PCDHGA9: variants seen among roughly 807,000 people sequenced by gnomAD.
PCDHGA9 encodes protocadherin gamma-A9.
A neutral mutation model predicts 62.5 loss-of-function variants in PCDHGA9; 37 were observed. That is an observed-to-expected ratio of 0.59 (90% CI 0.46 to 0.78). The LOEUF (loss-of-function observed/expected upper bound fraction) is 0.78. Ranked by LOEUF, PCDHGA9 falls within the 30% of genes least tolerant of loss-of-function variation. The pLI is 0.00. For missense variants in PCDHGA9, 1,138 were observed against 1,166.2 expected (o/e 0.98, Z 0.35); for synonymous variants, 459 against 484.6 (o/e 0.95, Z 0.69).
rs2097461148 is a variant in PCDHGA9 at position 141,432,174 on chromosome 5, T to C, written c.2424+26798T>C. ...AACAATCCCAGAGGAGTTTCCCTCGTCTCTGTGACCGCCCACGACCCCGAC... is the reference window on the plus strand; with the variant it reads ...AACAATCCCAGAGGAGTTTCCCTCGCCTCTGTGACCGCCCACGACCCCGAC... On this transcript the variant is annotated intron_variant, in intron 1 of 3. Transcript: ENST00000573521. The surrounding 1 kb of genome is among the most constrained non-coding windows in gnomAD (Gnocchi z 6.0). 1 of 1,614,088 alleles carries C rather than the reference T, an allele frequency of 6.2e-7. No homozygotes were observed. Among genetic ancestry groups the C allele is most frequent in the Non-Finnish European group, 8.5e-7 (1 of 1,180,022 alleles).
rs763187246 is a variant in PCDHGA9 at position 141,477,168 on chromosome 5, A to G, written c.2425-17639A>G. ...GTGGATGTGAATGACAACGCCCCGGAGATCACAGTCACCTCCGTGTACAGC... is the reference window on the plus strand; with the variant it reads ...GTGGATGTGAATGACAACGCCCCGGGGATCACAGTCACCTCCGTGTACAGC... On this transcript the variant is annotated intron_variant, in intron 1 of 3. Transcript: ENST00000573521. The surrounding 1 kb of genome is among the most constrained non-coding windows in gnomAD (Gnocchi z 4.9). The G allele has an allele frequency of 6.2e-7, 1 of 1,614,210 alleles. No homozygotes were observed. Among genetic ancestry groups the G allele is most frequent in the Non-Finnish European group, 8.5e-7 (1 of 1,180,040 alleles).
At position 141,404,694 on chromosome 5, in the gene PCDHGA9, C is replaced by G. The variant is rs749803871; in HGVS notation, c.1742C>G (p.Ser581Cys). 3.1e-6 allele frequency: 5 copies of G among 1,613,998 alleles called. No individual in the cohort carries two copies. In the Admixed American group the frequency reaches 5.0e-5, roughly 16 times the overall value. The change falls in exon 1 of 4, where the codon TCT becomes TGT. Residue 581 changes from serine to cysteine, a missense_variant. By Grantham distance (112) the Ser-to-Cys change is moderately radical (BLOSUM62 -1). Coordinates refer to ENST00000573521, the MANE Select transcript of PCDHGA9 (RefSeq NM_018921.3). ...GSTGVELAPR[S>C]AEPGYLVTKV... ...ACTGGTGTGGAGCTGGCACCCCGCT[C>G]TGCAGAGCCTGGCTACCTGGTGACC...
At chr5:141,421,823 G>A in intron 1 of PCDHGA9, 1 of 1,613,802 alleles carries the variant, frequency 6.2e-7, no homozygotes. Flanking sequence ...GTACTGGAGG[G>A]AAGCCTGGAC....
rs143168452 is a variant in PCDHGA9 at position 141,504,127 on chromosome 5, C to T, written c.2484-1266C>T. Among the ~76,000 whole-genome samples the T allele has an allele frequency of 1.3e-3, 195 of 152,220 alleles. 2 individuals carry two copies. The highest frequency in any genetic ancestry group is 4.4e-3 in the African/African-American group (181 of 41,520). On this transcript the variant is annotated intron_variant, in intron 2 of 3. Transcript: ENST00000573521. ...CTGTGTGTGTGCCAGGGCTGTTTCC[C>T]GCCAACACTCCCCTGCAAATTGAAA...
chr5:141,495,005 C>A, intron 2 of PCDHGA9, 140 bp downstream of exon 2: 1 of 1,522,810 alleles, frequency 6.6e-7, no homozygotes. Context: ...TCTTGGTGTG[C>A]GGGGGGCTGG....
At chr5:141,427,965 C>G in intron 1 of PCDHGA9, 1 of 1,590,342 alleles carries the variant, frequency 6.3e-7, no homozygotes, top group Non-Finnish European at 8.6e-7. Flanking sequence ...GCCGCGGGTG[C>G]TGTACCCCGC....
In PCDHGA9 at chr5:141,490,540, C is replaced by T; in HGVS notation, c.2425-4267C>T. The T allele has an allele frequency of 6.2e-7, 1 of 1,614,148 alleles. No homozygotes were observed. Among genetic ancestry groups the T allele is most frequent in the Non-Finnish European group, 8.5e-7 (1 of 1,180,024 alleles). ...GGCCAGCGATGCTGGTTCACCTTCC[C>T]TACACAAACATCTCACCATCAGGCT... On this transcript the variant is annotated intron_variant, in intron 1 of 3. Coordinates refer to ENST00000573521, the MANE Select transcript of PCDHGA9 (RefSeq NM_018921.3). This position sits in a 1 kb window ranked among gnomAD's most constrained non-coding sequence, Gnocchi z 5.4.
chr5:141,437,223 C>G (rs555637738), intron 1 of PCDHGA9, among the ~76,000 whole-genome samples: 1 of 152,198 alleles, frequency 6.6e-6, no homozygotes, highest in Admixed American at 6.5e-5. Context: ...TGATTCCAGT[C>G]ATAAAATTAT....
intron 1 of PCDHGA9, chr5:141,468,401 C>G (rs943048252): frequency 6.7e-6 from 1 of 149,126 alleles, no homozygotes; most frequent in Non-Finnish European, 1.5e-5. Flanking sequence ...TTGGTGAGAA[C>G]TAATAATAAG....
At chr5:141,413,199 A>T in intron 1 of PCDHGA9, 1 of 1,611,930 alleles carries the variant, frequency 6.2e-7, no homozygotes, top group Non-Finnish European at 8.5e-7. Flanking sequence ...GGAATCGCTC[A>T]AAGGAATCAA....
chr5:141,476,438 C>G lies in PCDHGA9; in HGVS notation c.2425-18369C>G. On this transcript the variant is annotated intron_variant, in intron 1 of 3. Coordinates refer to ENST00000573521, the MANE Select transcript of PCDHGA9 (RefSeq NM_018921.3). This position sits in a 1 kb window ranked among gnomAD's most constrained non-coding sequence, Gnocchi z 7.6. The stretch of plus-strand genomic sequence containing the variant: ...GACACTGCCCTCTTGCACTGTAACT[C>G]TGGAGTTGGTAGTGGAGAACCCGCT... 1 of 1,614,090 alleles carries G rather than the reference C, an allele frequency of 6.2e-7. No homozygotes were observed. Among genetic ancestry groups the G allele is most frequent in the Non-Finnish European group, 8.5e-7 (1 of 1,180,026 alleles).
At chr5:141,419,327 TC>T (rs774592605) in intron 1 of PCDHGA9, 1 of 1,613,856 alleles carries the variant, frequency 6.2e-7, no homozygotes, top group Non-Finnish European at 8.5e-7. Flanking sequence ...TGTCTCCTAC[TC>T]TCTCATTGCC....
chr5:141,503,924 G>C (rs1282755998), intron 2 of PCDHGA9, among the ~76,000 whole-genome samples: 1 of 152,146 alleles, frequency 6.6e-6, no homozygotes, highest in Non-Finnish European at 1.5e-5. Flanking sequence ...CACACACACA[G>C]ACATTTTCAT....
rs1422192604 is a variant in PCDHGA9 at position 141,403,849 on chromosome 5, G to C, written c.897G>C (p.Gly299=). 6.2e-7 allele frequency: 1 copy of C among 1,613,560 alleles called. No homozygotes were observed. Among genetic ancestry groups the C allele is most frequent in the South Asian group, 1.1e-5 (1 of 91,060 alleles). ...TATTCCAGCTTAATGAAAATACTGG[G>C]GAAATATCAACAGCAAAAAGTCTAG... The part of the protein sequence containing the change: ...SLLFQLNENT[G]EISTAKSLDY... The change falls in exon 1 of 4, where the codon GGG becomes GGC. Residue 299 remains glycine, a synonymous_variant. Coordinates refer to ENST00000573521, the MANE Select transcript of PCDHGA9 (RefSeq NM_018921.3).
Position 141,511,579 on chromosome 5 carries a change from G to T in PCDHGA9, c.*406G>T. The T allele has an allele frequency of 3.6e-6, 1 of 280,798 alleles. No individual in the cohort carries two copies. Among genetic ancestry groups the T allele is most frequent in the South Asian group, 4.1e-5 (1 of 24,614 alleles). 17.4% of individuals were successfully genotyped at this position (280,798 alleles called of 1,614,324 possible). On this transcript the variant is annotated 3_prime_UTR_variant, in exon 4 of 4. Transcript: ENST00000573521. Reference sequence around the variant, plus strand: ...CCTCTTTCCCGAGTAAGGTGGTTGGGGTGTTGAAGTACCAAGTAACCTACA... The same window carrying T: ...CCTCTTTCCCGAGTAAGGTGGTTGGTGTGTTGAAGTACCAAGTAACCTACA...
intron 1 of PCDHGA9, among the ~76,000 whole-genome samples, chr5:141,435,652 G>C (rs978809372): frequency 6.6e-6 from 1 of 152,108 alleles, no homozygotes; most frequent in Non-Finnish European, 1.5e-5. Context: ...TTTCTGAAAC[G>C]TGCACAGATT....
chr5:141,417,232 G>C (rs997894028), intron 1 of PCDHGA9: 5 of 152,072 alleles, frequency 3.3e-5, no homozygotes, highest in Non-Finnish European at 7.4e-5. Flanking sequence ...AAAATTTGTT[G>C]CTTATCTTCA....
chr5:141,406,186 C>T (rs1263856724), intron 1 of PCDHGA9, among the ~76,000 whole-genome samples: 2 of 151,978 alleles, frequency 1.3e-5, no homozygotes, highest in South Asian at 2.1e-4. Context: ...AATCCTCCCA[C>T]CTCAGCCTTC....
Position 141,511,212 on chromosome 5 carries a change from C to T in PCDHGA9, c.*39C>T. ...CCAAGAGCCACAGGGCGGCCTCTCC[C>T]CAACCAGCCCAGCTTCTCCTTACCT... is the stretch of plus-strand genomic sequence containing the variant. On this transcript the variant is annotated 3_prime_UTR_variant, in exon 4 of 4. Coordinates refer to ENST00000573521, the MANE Select transcript of PCDHGA9 (RefSeq NM_018921.3). 6.2e-7 allele frequency: 1 copy of T among 1,608,656 alleles called. No individual in the cohort carries two copies. Among genetic ancestry groups the T allele is most frequent in the Non-Finnish European group, 8.5e-7 (1 of 1,177,502 alleles).
Sources: gnomAD v4.1 joint callset for allele counts (sites outside exome capture counted in the v4.1 genomes callset) on GRCh38, gnomAD v4.1.1 for gene constraint, Gnocchi (gnomAD v3.1) non-coding constraint, MANE v1.5 for transcripts, NCBI Gene and HGNC (gene_info 2026-07-23, HGNC 2026-07-21) for gene names.